Variants in PFKFB3 observed in about 807,000 individuals in gnomAD.
PFKFB3 encodes 6-phosphofructo-2-kinase/fructose-2,6-bisphosphatase 3.
In PFKFB3, 33 loss-of-function variants were observed where a neutral mutation model predicts 68.0. The observed-to-expected ratio is 0.49, with a 90% CI of 0.37 to 0.65. The LOEUF is 0.65. PFKFB3 is among the 30% of genes least tolerant of loss of function. PFKFB3 has a pLI of 0.00. For missense variants in PFKFB3, 586 were observed against 712.2 expected, an observed-to-expected ratio of 0.82 and a Z score of 2.02; for synonymous variants, 315 against 288.2, an observed-to-expected ratio of 1.09 and a Z score of -0.94.
the PFKFB3 span, chr10:6,326,605 C>G: frequency 2.2e-6 from 1 of 451,340 alleles, no homozygotes; most frequent in South Asian, 1.6e-5. Flanking sequence ...GTTGCCCCGA[C>G]GAGGAAGTGT....
chr10:6,288,712 T>C, the PFKFB3 span, among the ~76,000 whole-genome samples: 2 of 152,120 alleles, frequency 1.3e-5, no homozygotes. Flanking sequence ...CCTTTGGGTA[T>C]ATACCCAGTA....
the PFKFB3 span, among the ~76,000 whole-genome samples, chr10:6,322,709 C>T: frequency 6.6e-6 from 1 of 152,206 alleles, no homozygotes; most frequent in African/African-American, 2.4e-5. Context: ...TTTCCTTTCA[C>T]CTGGATTAGT....
At chr10:6,299,708 C>A in the PFKFB3 span, among the ~76,000 whole-genome samples, 1 of 152,306 alleles carries the variant, frequency 6.6e-6, no homozygotes, top group South Asian at 2.1e-4. Context: ...GTCTCCTGGG[C>A]TTAGAACCCC....
At chr10:6,319,038 C>T in the PFKFB3 span, among the ~76,000 whole-genome samples, 21 of 152,258 alleles carry the variant, frequency 1.4e-4, no homozygotes, top group East Asian at 4.0e-3. Context: ...TCAATATTCT[C>T]GGGAGGAAGA....
rs1225843582 is a variant in PFKFB3 at position 6,210,346 on chromosome 10, GTT to G, written c.77-3269_77-3268del. 9.2e-3 allele frequency among the ~76,000 whole-genome samples: 301 copies of G among 32,778 alleles called. 49 individuals carry two copies. Among genetic ancestry groups the G allele is most frequent in the Middle Eastern group, 0.079 (3 of 38 alleles). 21.5% of individuals were successfully genotyped at this position (32,778 alleles called of 152,430 possible). A position where few individuals can be genotyped will look rare whatever the true frequency, so the allele number is the denominator to read the frequency against. ...GGCGCCCCTCTCTTTGTTTTTTTTT[GTT>G]TTTTTTTGTTTTTTTGTTTTTTTTT... On this transcript the variant is annotated intron_variant, in intron 1 of 14. Transcript: ENST00000379775.
chr10:6,222,681 C>T (rs892663901), intron 10 of PFKFB3, 174 bp from the exon 11 acceptor site: 62 of 618,228 alleles, frequency 1.0e-4, no homozygotes, highest in Non-Finnish European at 1.4e-4. Flanking sequence ...GAGGGCTTCA[C>T]TCTTTTTGTG....
At chr10:6,236,749 T>G (rs74112213), downstream of PFKFB3, among the ~76,000 whole-genome samples, 4,706 of 152,290 alleles carry the variant, frequency 0.031, 188 homozygotes, top group Admixed American at 0.091. Context: ...ATTAAAAGAC[T>G]GCTCCCAAAG....
intron 3 of PFKFB3, 75 bp from the exon 4 acceptor site, chr10:6,216,050 C>A: frequency 8.0e-7 from 1 of 1,252,232 alleles, no homozygotes; most frequent in South Asian, 1.2e-5. Context: ...CTTGTCGGGG[C>A]GTGTCGGGAG....
upstream of PFKFB3, among the ~76,000 whole-genome samples, chr10:6,198,006 A>G (rs12219292): frequency 9.5e-3 from 1,441 of 152,216 alleles, 37 homozygotes; most frequent in South Asian, 0.07. Flanking sequence ...TTCTGGAACA[A>G]TTTACTTAGA....
rs35447462 is a variant in PFKFB3, at chr10:6,208,371, C to CTTTTTTTTTTTTTTTTTTTTTTTTT, written c.76+5057_76+5058insTTTTTTTTTTTTTTTTTTTTTTTTT. Among the ~76,000 whole-genome samples the CTTTTTTTTTTTTTTTTTTTTTTTTT allele has an allele frequency of 6.6e-5, 4 of 60,636 alleles. 1 individual carries two copies. Among genetic ancestry groups the CTTTTTTTTTTTTTTTTTTTTTTTTT allele is most frequent in the African/African-American group, 2.0e-4 (3 of 14,956 alleles). The allele number at this position is 60,636 out of a possible 152,430, so 39.8% of individuals were successfully genotyped here. On this transcript the variant is annotated intron_variant, in intron 1 of 14. Transcript: ENST00000379775. The stretch of plus-strand genomic sequence containing the variant: ...ACAGGTGTAAGCCAGGGTACCTGGC[C>CTTTTTTTTTTTTTTTTTTTTTTTTT]TTTTTTTTTTTTTTTTTTTTTTGCC...
chr10:6,260,085 A>G, the PFKFB3 span, among the ~76,000 whole-genome samples: 1 of 152,188 alleles, frequency 6.6e-6, no homozygotes, highest in African/African-American at 2.4e-5. Context: ...TCTATAATTT[A>G]TCGCCAAACA....
At chr10:6,227,009 C>T (rs1014624127) in intron 14 of PFKFB3, among the ~76,000 whole-genome samples, 1 of 152,008 alleles carries the variant, frequency 6.6e-6, no homozygotes, top group Non-Finnish European at 1.5e-5. Flanking sequence ...TTGCTTGAAC[C>T]CAGGAGGCGG....
chr10:6,319,914 C>G, the PFKFB3 span, among the ~76,000 whole-genome samples: 1 of 152,086 alleles, frequency 6.6e-6, no homozygotes, highest in Non-Finnish European at 1.5e-5. Context: ...CATAAATGAA[C>G]CTGGCCAGGC....
At chr10:6,284,517 G>C in the PFKFB3 span, among the ~76,000 whole-genome samples, 33 of 152,272 alleles carry the variant, frequency 2.2e-4, no homozygotes, top group Middle Eastern at 0.01. Flanking sequence ...CTTTTGATTA[G>C]TGTTAGCACA....
chr10:6,197,090 T>C (rs111294471), intron 1 of PFKFB3, among the ~76,000 whole-genome samples: 2 of 152,086 alleles, frequency 1.3e-5, no homozygotes, highest in South Asian at 4.2e-4. Context: ...GTTCAAGCGA[T>C]TGTCCTGCCT....
At chr10:6,210,874 A>G (rs113287626) in intron 1 of PFKFB3, among the ~76,000 whole-genome samples, 566 of 11,906 alleles carry the variant, frequency 0.048, 208 homozygotes, top group African/African-American at 0.085. Context: ...TAGCCAGGAT[A>G]GTCTTGATAG....
At chr10:6,187,058 T>A (rs1429203031) in intron 1 of PFKFB3, among the ~76,000 whole-genome samples, 1 of 151,776 alleles carries the variant, frequency 6.6e-6, no homozygotes, top group Admixed American at 6.6e-5. Context: ...TTCTGAAAAG[T>A]TGTCTCGAAA....
At chr10:6,270,829 A>C in the PFKFB3 span, among the ~76,000 whole-genome samples, 1 of 152,168 alleles carries the variant, frequency 6.6e-6, no homozygotes, top group East Asian at 1.9e-4. Context: ...CACTAGACTT[A>C]AGCACCTTGA....
downstream of PFKFB3, among the ~76,000 whole-genome samples, chr10:6,236,819 C>T (rs1038751557): frequency 6.6e-6 from 1 of 152,218 alleles, no homozygotes; most frequent in Non-Finnish European, 1.5e-5. Flanking sequence ...CACAGGGGCT[C>T]TGACCTTTTG....
Sources: gnomAD v4.1 joint callset for allele counts (sites outside exome capture counted in the v4.1 genomes callset) on GRCh38, gnomAD v4.1.1 for gene constraint, MANE v1.5 for transcripts, NCBI Gene and HGNC (gene_info 2026-07-23, HGNC 2026-07-21) for gene names.